IQCM: variants seen among roughly 807,000 people sequenced by gnomAD.
The protein encoded by IQCM is IQ motif containing M, also known as IQ domain-containing protein M.
A neutral mutation model predicts 57.6 loss-of-function variants in IQCM; 45 were observed. That is an observed-to-expected ratio of 0.78 (90% CI 0.62 to 1.00). IQCM has a LOEUF of 1.00. IQCM is among the 50% of genes least tolerant of loss of function. IQCM has a pLI of 0.00. For missense variants in IQCM, 468 were observed against 511.6 expected, an observed-to-expected ratio of 0.91 and a Z score of 0.82; for synonymous variants, 148 against 158.9, an observed-to-expected ratio of 0.93 and a Z score of 0.51.
At chr4:149,814,585 T>A (rs567845448) in intron 2 of IQCM, among the ~76,000 whole-genome samples, 3 of 152,062 alleles carry the variant, frequency 2.0e-5, no homozygotes, top group African/African-American at 7.2e-5. Context: ...CTATAACAGA[T>A]TTTTTTCATA....
At chr4:149,597,165 A>C (rs1322349538) in intron 8 of IQCM, among the ~76,000 whole-genome samples, 1 of 152,150 alleles carries the variant, frequency 6.6e-6, no homozygotes. Flanking sequence ...CATAATATTT[A>C]AAATTGGAAA....
intron 12 of IQCM, among the ~76,000 whole-genome samples, chr4:149,481,993 A>T (rs557695166): frequency 1.1e-4 from 16 of 150,756 alleles, no homozygotes; most frequent in Admixed American, 3.3e-4. Context: ...AGATCTCTTT[A>T]CTTCTCTGGT....
chr4:149,735,303 C>T (rs545229393), intron 4 of IQCM, 73 bp downstream of exon 4: 2 of 652,534 alleles, frequency 3.1e-6, no homozygotes, highest in South Asian at 1.5e-4. Flanking sequence ...AGGGTTTATG[C>T]AATCCTTTGG....
chr4:149,812,243 C>T (rs1463384645), intron 2 of IQCM, among the ~76,000 whole-genome samples: 1 of 152,048 alleles, frequency 6.6e-6, no homozygotes, highest in Non-Finnish European at 1.5e-5. Flanking sequence ...CCTTAAACAC[C>T]AAATATCACT....
At chr4:149,634,739 T>C (rs760306047) in intron 7 of IQCM, among the ~76,000 whole-genome samples, 11 of 152,208 alleles carry the variant, frequency 7.2e-5, no homozygotes, top group Non-Finnish European at 1.6e-4. Flanking sequence ...ACACGGACAT[T>C]AGAACAATTA....
rs752657352 is a variant in IQCM at position 149,715,574 on chromosome 4, C to T, written c.385+17670G>A. Among the ~76,000 whole-genome samples the T allele has an allele frequency of 1.3e-3, 205 of 152,214 alleles. 3 individuals are homozygous for T. The highest frequency in any genetic ancestry group is 7.2e-4 in the Non-Finnish European group (49 of 68,018). ...TCTCTCCTTCTCATGGCCTGCAACA[C>T]GGTGAGCAAGGGGCGTGTTTCAGCC... On this transcript the variant is annotated intron_variant, in intron 5 of 13. Coordinates refer to ENST00000636793, the MANE Select transcript of IQCM (RefSeq NM_001363507.2).
chr4:149,487,121 C>T (rs1284472511), intron 12 of IQCM, among the ~76,000 whole-genome samples: 1 of 152,084 alleles, frequency 6.6e-6, no homozygotes, highest in East Asian at 1.9e-4. Context: ...TATTCAAGGC[C>T]CAAGAGCTTT....
At chr4:149,474,776 A>C (rs910587849) in intron 12 of IQCM, among the ~76,000 whole-genome samples, 1 of 152,038 alleles carries the variant, frequency 6.6e-6, no homozygotes, top group Non-Finnish European at 1.5e-5. Context: ...GTAACTGAGA[A>C]GTATCATTTG....
intron 12 of IQCM, among the ~76,000 whole-genome samples, chr4:149,520,857 TG>T (rs1479729495): frequency 6.6e-6 from 1 of 152,072 alleles, no homozygotes; most frequent in Non-Finnish European, 1.5e-5. Context: ...CCTCCTACTT[TG>T]CAGGGACACT....
chr4:149,790,742 T>C (rs2150028682), intron 2 of IQCM, among the ~76,000 whole-genome samples: 1 of 152,254 alleles, frequency 6.6e-6, no homozygotes, highest in East Asian at 1.9e-4. Context: ...ATTAAGAAAA[T>C]AGCCTGCAGT....
intron 13 of IQCM, among the ~76,000 whole-genome samples, chr4:149,402,170 G>A (rs1431876383): frequency 6.6e-6 from 1 of 151,636 alleles, no homozygotes; most frequent in African/African-American, 2.4e-5. Context: ...CAATATTAAG[G>A]TTCTTGGGTT....
intron 7 of IQCM, among the ~76,000 whole-genome samples, chr4:149,651,143 C>G (rs1252897396): frequency 6.6e-6 from 1 of 152,026 alleles, no homozygotes; most frequent in Non-Finnish European, 1.5e-5. Flanking sequence ...TAAAGACACC[C>G]ACAGTTGCAG....
intron 2 of IQCM, among the ~76,000 whole-genome samples, chr4:149,801,012 C>T (rs1003510461): frequency 2.2e-4 from 34 of 151,636 alleles, no homozygotes; most frequent in African/African-American, 6.8e-4. Context: ...CAAAAGACTC[C>T]GAATAGCCAA....
At chr4:149,769,116 G>A (rs1250183569) in intron 2 of IQCM, among the ~76,000 whole-genome samples, 1 of 151,848 alleles carries the variant, frequency 6.6e-6, no homozygotes, top group Admixed American at 6.6e-5. Context: ...TATCACTATG[G>A]CATTAGAACT....
chr4:149,502,582 G>A (rs1743366047), intron 12 of IQCM, among the ~76,000 whole-genome samples: 1 of 152,164 alleles, frequency 6.6e-6, no homozygotes, highest in African/African-American at 2.4e-5. Context: ...GCTGAGGTGT[G>A]AGGATCACCT....
chr4:149,653,321 A>G (rs1208209798), intron 7 of IQCM, among the ~76,000 whole-genome samples: 1 of 152,152 alleles, frequency 6.6e-6, no homozygotes, highest in Non-Finnish European at 1.5e-5. Context: ...ACACAGATTT[A>G]AAGACAAAGC....
chr4:149,626,826 G>A (rs1158388236), intron 7 of IQCM, among the ~76,000 whole-genome samples: 1 of 151,980 alleles, frequency 6.6e-6, no homozygotes, highest in Non-Finnish European at 1.5e-5. Flanking sequence ...TTAGGATAAT[G>A]GAAGTGAATT....
At chr4:149,389,975 C>T (rs1731730873) in intron 13 of IQCM, among the ~76,000 whole-genome samples, 1 of 151,724 alleles carries the variant, frequency 6.6e-6, no homozygotes, top group Non-Finnish European at 1.5e-5. Flanking sequence ...TCCATATGAA[C>T]TTTAGAATCA....
intron 7 of IQCM, among the ~76,000 whole-genome samples, chr4:149,676,047 A>G (rs1209839887): frequency 6.6e-6 from 1 of 151,998 alleles, no homozygotes; most frequent in Non-Finnish European, 1.5e-5. Context: ...TTAACAAAAG[A>G]GTTTCTGTTT....
Sources: allele counts gnomAD v4.1 joint callset (sites outside exome capture counted in the v4.1 genomes callset), GRCh38; gene constraint gnomAD v4.1.1; transcripts MANE v1.5; gene names NCBI Gene and HGNC (gene_info 2026-07-23, HGNC 2026-07-21).